Variants in DZIP1L observed in about 807,000 individuals in gnomAD.
The protein encoded by DZIP1L is DAZ interacting zinc finger protein 1 like.
In DZIP1L, 90 loss-of-function variants were observed where a neutral mutation model predicts 88.7. That is an observed-to-expected ratio of 1.02 (90% CI 0.86 to 1.21). The LOEUF is 1.21. Among genes scored for constraint, DZIP1L ranks in the 50% most tolerant of loss-of-function variants. The pLI is 0.00. For missense variants in DZIP1L, 932 were observed against 955.8 expected (o/e 0.98, Z 0.33); for synonymous variants, 363 against 372.1 (o/e 0.98, Z 0.28).
intron 3 of DZIP1L, among the ~76,000 whole-genome samples, chr3:138,096,192 A>G (rs904072710): frequency 1.3e-5 from 2 of 152,238 alleles, no homozygotes; most frequent in African/African-American, 4.8e-5. Context: ...CTGGGAAGTC[A>G]GCTGCCTGTG....
intron 4 of DZIP1L, among the ~76,000 whole-genome samples, chr3:138,093,271 A>G (rs1445032943): frequency 6.6e-6 from 1 of 152,132 alleles, no homozygotes; most frequent in Non-Finnish European, 1.5e-5. Context: ...ATTGTCAATG[A>G]GCAGTAATTA....
chr3:138,106,353 T>G (rs1365072387), intron 1 of DZIP1L, among the ~76,000 whole-genome samples: 1 of 150,668 alleles, frequency 6.6e-6, no homozygotes, highest in Non-Finnish European at 1.5e-5. Context: ...TTGGCCACAC[T>G]GGTCTCAAAC....
At chr3:138,067,412 G>T in intron 14 of DZIP1L, 119 bp downstream of exon 14, 1 of 1,171,320 alleles carries the variant, frequency 8.5e-7, no homozygotes, top group Non-Finnish European at 1.2e-6. Flanking sequence ...TAGAGAAAGA[G>T]ATGTCAAATA....
chr3:138,093,295 C>A (rs540857963), intron 4 of DZIP1L, among the ~76,000 whole-genome samples: 15 of 152,138 alleles, frequency 9.9e-5, no homozygotes, highest in African/African-American at 3.1e-4. Context: ...TGAAAAGAAT[C>A]TTTTTTTTAG....
At chr3:138,092,336 G>T in intron 5 of DZIP1L, 47 bp downstream of exon 5, 1 of 1,482,352 alleles carries the variant, frequency 6.7e-7, no homozygotes, top group Admixed American at 2.5e-5. Context: ...TTGAGAATAA[G>T]CAGATTTCCA....
At chr3:138,083,725 G>C (rs746170768) in intron 8 of DZIP1L, among the ~76,000 whole-genome samples, 2 of 152,228 alleles carry the variant, frequency 1.3e-5, no homozygotes, top group Non-Finnish European at 2.9e-5. Context: ...GTGAGGACTT[G>C]AGTGAGGCAC....
At chr3:138,107,750 C>T (rs896055440) in intron 1 of DZIP1L, among the ~76,000 whole-genome samples, 1 of 152,144 alleles carries the variant, frequency 6.6e-6, no homozygotes, top group Non-Finnish European at 1.5e-5. Flanking sequence ...TGGGCCCAGC[C>T]CAAGCTCAGG....
At chr3:138,108,270 A>G in intron 1 of DZIP1L, 1 of 984,038 alleles carries the variant, frequency 1.0e-6, no homozygotes, top group South Asian at 4.7e-5. Context: ...CCTCGGAGCA[A>G]CAGCAGGTTA....
At chr3:138,075,445 T>C (rs1239030644) in intron 11 of DZIP1L, among the ~76,000 whole-genome samples, 2 of 152,212 alleles carry the variant, frequency 1.3e-5, no homozygotes, top group Non-Finnish European at 2.9e-5. Context: ...ATCGAAATTA[T>C]ATCAAGCACT....
intron 13 of DZIP1L, 128 bp downstream of exon 13, chr3:138,068,023 G>T: frequency 1.1e-6 from 1 of 871,064 alleles, no homozygotes; most frequent in Non-Finnish European, 1.6e-6. Flanking sequence ...CCCACCTGAG[G>T]CACCTTCTAT....
chr3:138,110,120 G>A (rs916668256), intron 1 of DZIP1L, among the ~76,000 whole-genome samples: 1 of 152,002 alleles, frequency 6.6e-6, no homozygotes, highest in African/African-American at 2.4e-5. Flanking sequence ...TGTCTATTTC[G>A]GCTTTTGTTA....
chr3:138,090,286 T>C (rs1944146449), intron 5 of DZIP1L, among the ~76,000 whole-genome samples: 1 of 152,214 alleles, frequency 6.6e-6, no homozygotes, highest in Non-Finnish European at 1.5e-5. Context: ...CATAATTTTC[T>C]GACCAAAAGT....
chr3:138,103,353 G>A (rs1397151610), intron 2 of DZIP1L, 118 bp downstream of exon 2: 1 of 1,190,262 alleles, frequency 8.4e-7, no homozygotes, highest in African/African-American at 1.5e-5. Flanking sequence ...CTCCTAACCA[G>A]TGAGAACAGC....
chr3:138,112,504 A>T (rs2042634116), intron 1 of DZIP1L: 2 of 152,136 alleles, frequency 1.3e-5, no homozygotes, highest in South Asian at 4.1e-4. Context: ...TTGCGTCCTG[A>T]TTAGGATAGG....
intron 4 of DZIP1L, 93 bp downstream of exon 4, chr3:138,094,769 C>T: frequency 6.4e-7 from 1 of 1,557,022 alleles, no homozygotes; most frequent in Admixed American, 1.9e-5. Flanking sequence ...GGGAAACTAG[C>T]TGGAATTTTT....
At chr3:138,110,261 T>G (rs1284063839) in intron 1 of DZIP1L, among the ~76,000 whole-genome samples, 8 of 151,710 alleles carry the variant, frequency 5.3e-5, no homozygotes, top group Admixed American at 5.2e-4. Flanking sequence ...TGAGAACACT[T>G]GGACACAGGA....
intron 1 of DZIP1L, chr3:138,112,480 C>T (rs1244201861): frequency 3.3e-5 from 5 of 152,214 alleles, no homozygotes. Flanking sequence ...CTGAACCCGA[C>T]TCAGCTCCAC....
chr3:138,101,733 G>A (rs2042320114), intron 2 of DZIP1L: 1 of 891,898 alleles, frequency 1.1e-6, no homozygotes, highest in Admixed American at 1.7e-5. Flanking sequence ...ACTCCAGCCG[G>A]CTTTCCTTGC....
At chr3:138,090,168 A>T (rs1435707587) in intron 5 of DZIP1L, among the ~76,000 whole-genome samples, 2 of 151,852 alleles carry the variant, frequency 1.3e-5, no homozygotes, top group East Asian at 1.9e-4. Flanking sequence ...ATAAATAAAT[A>T]AAATTAAAAA....
Sources: gnomAD v4.1 joint callset for allele counts (sites outside exome capture counted in the v4.1 genomes callset) on GRCh38, gnomAD v4.1.1 for gene constraint, MANE v1.5 for transcripts, NCBI Gene and HGNC (gene_info 2026-07-23, HGNC 2026-07-21) for gene names.